The following NOS2 variants were observed in gnomAD, a reference collection of about 807,000 sequenced individuals.
The protein encoded by NOS2 is nitric oxide synthase, inducible.
A neutral mutation model predicts 136.0 loss-of-function variants in NOS2; 96 were observed. The observed-to-expected ratio is 0.71, with a 90% CI of 0.60 to 0.84. The LOEUF (loss-of-function observed/expected upper bound fraction) is 0.84, where lower values mean the gene tolerates loss of function less well. Ranked by LOEUF, NOS2 falls within the 40% of genes least tolerant of loss-of-function variation. The pLI is 0.00. For synonymous variants in NOS2, 539 were observed against 587.5 expected, an observed-to-expected ratio of 0.92 and a Z score of 1.20; for missense variants, 1,237 against 1,496.9, an observed-to-expected ratio of 0.83 and a Z score of 2.87.
chr17:27,774,055 T>C (rs950205729), intron 12 of NOS2, among the ~76,000 whole-genome samples: 1 of 152,138 alleles, frequency 6.6e-6, no homozygotes, highest in African/African-American at 2.4e-5. Flanking sequence ...AGCGGTGCAG[T>C]GGAAGCCACT....
rs201000689 is a variant in NOS2 at position 27,781,200 on chromosome 17, T to C, written c.723-23A>G. The stretch of plus-strand genomic sequence containing the variant: ...GACCTTCCCAGGACAGGAACAGTAC[T>C]GTTTACCACCTAGCCCTGGTGGGGG... On this transcript the variant is annotated intron_variant, in intron 7 of 26. Transcript: ENST00000313735. 20 of 1,593,434 alleles carry C rather than the reference T, an allele frequency of 1.3e-5. No individual in the cohort carries two copies. The South Asian group carries it at 2.1e-4, about 17-fold the overall frequency.
intron 13 of NOS2, 25 bp downstream of exon 13, chr17:27,773,136 A>G (rs202061353): frequency 1.5e-5 from 24 of 1,567,794 alleles, no homozygotes; most frequent in Non-Finnish European, 2.0e-5. Context: ...ACACATCACT[A>G]CTAGCCACTG....
intron 6 of NOS2, among the ~76,000 whole-genome samples, chr17:27,782,677 G>A (rs1184058889): frequency 1.3e-5 from 2 of 152,192 alleles, no homozygotes; most frequent in Non-Finnish European, 2.9e-5. Flanking sequence ...ACAAGGTCGT[G>A]GTTTACTCTA....
chr17:27,760,944 A>G (rs1209423079), intron 23 of NOS2, among the ~76,000 whole-genome samples, 200 bp from the exon 24 acceptor site: 2 of 152,112 alleles, frequency 1.3e-5, no homozygotes, highest in Non-Finnish European at 2.9e-5. Context: ...CCTTCTGTAA[A>G]AGGGCCAAGC....
chr17:27,786,413 CA>C (rs1398774127), intron 5 of NOS2, among the ~76,000 whole-genome samples: 2 of 152,122 alleles, frequency 1.3e-5, no homozygotes, highest in African/African-American at 4.8e-5. Context: ...GCAACAAGAG[CA>C]AAACTCCATC....
chr17:27,770,510 A>T (rs1908457040), intron 15 of NOS2, among the ~76,000 whole-genome samples: 1 of 152,202 alleles, frequency 6.6e-6, no homozygotes, highest in South Asian at 2.1e-4. Context: ...ATAAATAAAC[A>T]AACAAACACC....
chr17:27,793,784 G>C (rs1909268857), intron 2 of NOS2: 1 of 381,414 alleles, frequency 2.6e-6, no homozygotes, highest in Non-Finnish European at 4.7e-6. Context: ...CCCGCCCCGG[G>C]GGCGGGGCGA....
rs200208380 is a variant in NOS2 at position 27,756,998 on chromosome 17, A to G, written c.*248T>C. 6.5e-5 allele frequency: 28 copies of G among 432,918 alleles called. No homozygotes were observed. The highest frequency in any genetic ancestry group is 2.1e-4 in the Admixed American group (5 of 23,476). 26.8% of individuals were successfully genotyped at this position (432,918 alleles called of 1,614,324 possible). A position where few individuals can be genotyped will look rare whatever the true frequency, so the allele number is the denominator to read the frequency against. ...CTTTCACCCACTTGCCAGGCCTGGC[A>G]TTTAAGATTTTGTCTCCAAGGGACC... On this transcript the variant is annotated 3_prime_UTR_variant, in exon 27 of 27. Transcript: ENST00000313735.
chr17:27,780,602 A>G (rs1371706202), intron 9 of NOS2, among the ~76,000 whole-genome samples, 165 bp downstream of exon 9: 1 of 152,244 alleles, frequency 6.6e-6, no homozygotes, highest in African/African-American at 2.4e-5. Context: ...GAATGGCTGC[A>G]GAATGCAACA....
In NOS2 at chr17:27,774,204, A is replaced by G. The variant is rs1223424510; in HGVS notation, c.1476+53T>C. On this transcript the variant is annotated intron_variant, in intron 12 of 26. Coordinates refer to ENST00000313735, the MANE Select transcript of NOS2 (RefSeq NM_000625.4). ...CAATGAGGTGCACACACACACACAC[A>G]CATACAGCCACATCTGAGCCCCCAG... 2.2e-6 allele frequency: 3 copies of G among 1,336,468 alleles called. No homozygotes were observed. In the African/African-American group the frequency reaches 4.5e-5, roughly 20 times the overall value. The allele number at this position is 1,336,468 out of a possible 1,614,324, so 82.8% of individuals were successfully genotyped here.
At chr17:27,759,635 G>T (rs1908048935) in intron 25 of NOS2, among the ~76,000 whole-genome samples, 1 of 152,130 alleles carries the variant, frequency 6.6e-6, no homozygotes, top group Admixed American at 6.5e-5. Flanking sequence ...AGGCTCAGGG[G>T]GTAACGCGGC....
intron 11 of NOS2, among the ~76,000 whole-genome samples, chr17:27,774,787 T>A (rs997388545): frequency 6.6e-6 from 1 of 152,206 alleles, no homozygotes; most frequent in African/African-American, 2.4e-5. Context: ...TCTGCATAAC[T>A]TAAACCACAG....
intron 17 of NOS2, among the ~76,000 whole-genome samples, chr17:27,768,216 C>A (rs1380996286): frequency 6.6e-6 from 1 of 151,964 alleles, no homozygotes. Flanking sequence ...CAAGCCCAGC[C>A]AATTTTCTGT....
chr17:27,768,008 T>C (rs578126235), intron 17 of NOS2, among the ~76,000 whole-genome samples, 171 bp from the exon 18 acceptor site: 1 of 152,324 alleles, frequency 6.6e-6, no homozygotes, highest in East Asian at 1.9e-4. Context: ...CAAAGAGGTG[T>C]CTGGGCTTGG....
rs993417112 is a variant in NOS2, at chr17:27,784,251, T to C, written c.468-1145A>G. On this transcript the variant is annotated intron_variant, in intron 5 of 26. Coordinates refer to ENST00000313735, the MANE Select transcript of NOS2 (RefSeq NM_000625.4). ...CATCAAAACTATTTAAAGAATGAACTCCTGATTAAGGAGAGTGGGTAACTC... is the reference window on the plus strand; with the variant it reads ...CATCAAAACTATTTAAAGAATGAACCCCTGATTAAGGAGAGTGGGTAACTC... Among the ~76,000 whole-genome samples the C allele has an allele frequency of 1.3e-5, 2 of 152,096 alleles. 1 individual carries two copies. The highest frequency in any genetic ancestry group is 4.1e-4 in the South Asian group (2 of 4,824).
rs1445680579 is a variant in NOS2, at chr17:27,798,793, T to A, written c.17A>T (p.Lys6Ile). The change falls in exon 2 of 27, where the codon AAA (lysine) becomes ATA (isoleucine). Residue 6 changes from lysine (K) to isoleucine (I), a missense_variant. Physicochemically the swap from Lys to Ile is moderately radical, Grantham distance 102 (BLOSUM62 -3). Around this residue, in one of 3 missense-constraint regions of NOS2, gnomAD observed 440 missense variants for 545.4 expected, o/e 0.81. Transcript: ENST00000313735. The stretch of plus-strand genomic sequence containing the variant: ...GTGGAATTTGGTCTTGAACAGAAAT[T>A]TCCAAGGACAGGCCATCTCTATGGC... MACPW[K>I]FLFKTKFHQY... The A allele has an allele frequency of 6.2e-7, 1 of 1,611,972 alleles. No individual in the cohort carries two copies.
chr17:27,785,595 C>T (rs905824819), intron 5 of NOS2, among the ~76,000 whole-genome samples: 1 of 152,244 alleles, frequency 6.6e-6, no homozygotes, highest in African/African-American at 2.4e-5. Context: ...GGACCACCGA[C>T]CCTGGAAGAT....
At chr17:27,768,874 AC>A in intron 17 of NOS2, 102 bp downstream of exon 17, 1 of 1,269,430 alleles carries the variant, frequency 7.9e-7, no homozygotes, top group South Asian at 1.6e-5. Flanking sequence ...CTACAGGACC[AC>A]AGGCAGAGGT....
rs192075464 is a variant in NOS2, at chr17:27,798,852, G to T, written c.-43C>A. ...GCAGGTCACTTATGTCACTTATCTGGATTTGAGCTCAGATGTTCTTCACTG... is the reference window on the plus strand; with the variant it reads ...GCAGGTCACTTATGTCACTTATCTGTATTTGAGCTCAGATGTTCTTCACTG... On this transcript the variant is annotated 5_prime_UTR_variant, in exon 2 of 27. Transcript: ENST00000313735. 1,591 of 1,221,698 alleles carry T rather than the reference G, an allele frequency of 1.3e-3. No homozygotes were observed. Among genetic ancestry groups the T allele is most frequent in the Non-Finnish European group, 1.7e-3 (1,427 of 822,166 alleles). 75.7% of individuals were successfully genotyped at this position (1,221,698 alleles called of 1,614,324 possible).
Sources: allele counts gnomAD v4.1 joint callset (sites outside exome capture counted in the v4.1 genomes callset), GRCh38; gene constraint gnomAD v4.1.1; regional missense constraint gnomAD v4.1.1; transcripts MANE v1.5; gene names NCBI Gene and HGNC (gene_info 2026-07-23, HGNC 2026-07-21).